The following ACSF2 variants were observed in gnomAD, a reference collection of about 807,000 sequenced individuals.
ACSF2 encodes medium-chain acyl-CoA ligase ACSF2, mitochondrial.
A neutral mutation model predicts 79.3 loss-of-function variants in ACSF2; 52 were observed. That is an observed-to-expected ratio of 0.66 (90% CI 0.53 to 0.83). ACSF2 has a LOEUF of 0.83. Among genes scored for constraint, ACSF2 ranks in the 40% least tolerant of loss-of-function variants. The pLI is 0.00. For synonymous variants in ACSF2, 283 were observed against 312.6 expected, an observed-to-expected ratio of 0.91 and a Z score of 1.00; for missense variants, 661 against 803.3, an observed-to-expected ratio of 0.82 and a Z score of 2.14.
chr17:50,461,251 G>T lies in ACSF2; in HGVS notation c.334G>T (p.Ala112Ser), dbSNP rs373748082. 79 of 1,614,088 alleles carry T rather than the reference G, an allele frequency of 4.9e-5. No individual in the cohort carries two copies. The highest frequency in any genetic ancestry group is 6.4e-5 in the Non-Finnish European group (76 of 1,180,026). ...FAQLKEEVDK[A>S]ASGLLSIGLC... is the part of the protein sequence containing the mutation. ...CCATCTTTTACACTAGGTGGACAAA[G>T]CTGCTTCTGGCCTCCTGAGCATTGG... The change falls in exon 3 of 16, where the codon GCT becomes TCT. Residue 112 changes from alanine (A) to serine (S), a missense_variant. Transcript: ENST00000300441.
At chr17:50,439,110 C>G (rs1284548303) in intron 1 of ACSF2, among the ~76,000 whole-genome samples, 1 of 151,632 alleles carries the variant, frequency 6.6e-6, no homozygotes, top group Non-Finnish European at 1.5e-5. Flanking sequence ...TGCTGTCTCC[C>G]AGGCTGCTGG....
chr17:50,433,780 T>C (rs1348270156), intron 1 of ACSF2, among the ~76,000 whole-genome samples: 3 of 151,894 alleles, frequency 2.0e-5, no homozygotes, highest in Admixed American at 6.6e-5. Flanking sequence ...CACCATGCCT[T>C]GCTAAATTTT....
rs201660426 is a variant in ACSF2 at position 50,463,926 on chromosome 17, G to A, written c.1138+17G>A. 2.2e-4 allele frequency: 353 copies of A among 1,612,784 alleles called. No homozygotes were observed. The East Asian group carries it at 3.5e-3, about 16-fold the overall frequency. ...TGTGTGGAGGTGGGGTGGGGCCAAG[G>A]GCAGCCAGGCTTGGGGAGGGGGCTG... On this transcript the variant is annotated intron_variant, in intron 9 of 15. Coordinates refer to ENST00000300441, the MANE Select transcript of ACSF2 (RefSeq NM_025149.6). The surrounding 1 kb of genome is among the most constrained non-coding windows in gnomAD (Gnocchi z 4.6).
chr17:50,435,767 A>G (rs928229451), intron 1 of ACSF2, among the ~76,000 whole-genome samples: 1 of 151,818 alleles, frequency 6.6e-6, no homozygotes, highest in Non-Finnish European at 1.5e-5. Context: ...TATTAAGTCT[A>G]GTTTATAAAG....
rs375811286 is a variant in ACSF2, at chr17:50,474,161, G to C, written c.1729-38G>C. On this transcript the variant is annotated intron_variant, in intron 14 of 15. Transcript: ENST00000300441. This position sits in a 1 kb window ranked among gnomAD's most constrained non-coding sequence, Gnocchi z 4.2. ...CCTACCCATACCCCTGTGAGCTTGC[G>C]CAGCCTCACGCCTTACCTCCCTCCC... The C allele has an allele frequency of 6.8e-6, 11 of 1,612,642 alleles. No homozygotes were observed. Among genetic ancestry groups the C allele is most frequent in the Non-Finnish European group, 8.5e-6 (10 of 1,178,764 alleles).
Position 50,465,233 on chromosome 17 carries a change from C to G in ACSF2, c.1215+939C>G, listed in dbSNP as rs552981872. The G allele has an allele frequency of 1.1e-4, 180 of 1,600,650 alleles. 1 individual carries two copies. The East Asian group carries it at 4.0e-3, about 36-fold the overall frequency. On this transcript the variant is annotated intron_variant, in intron 10 of 15. Coordinates refer to ENST00000300441, the MANE Select transcript of ACSF2 (RefSeq NM_025149.6). ...GGGCCAGGGGGTATCCTGGAAGATA[C>G]CAGCTCACTTGCTGGAATCACCAAA...
intron 1 of ACSF2, among the ~76,000 whole-genome samples, chr17:50,441,895 C>T (rs554360252): frequency 6.6e-6 from 1 of 152,176 alleles, no homozygotes; most frequent in South Asian, 2.1e-4. Context: ...GGCTGGAGTG[C>T]ATGGCACAAT....
Position 50,468,552 on chromosome 17 carries a change from G to C in ACSF2, c.1216-2476G>C, listed in dbSNP as rs1170674120. On this transcript the variant is annotated intron_variant, in intron 10 of 15. Transcript: ENST00000300441. The stretch of plus-strand genomic sequence containing the variant: ...CGGAAGGCACCGGCGGCCACCTCGC[G>C]GATCTGGCAGTGCTGCAGGTGCAAT... 6 of 1,614,120 alleles carry C rather than the reference G, an allele frequency of 3.7e-6. No individual in the cohort carries two copies. In the East Asian group the frequency reaches 6.7e-5, roughly 18 times the overall value.
At chr17:50,465,195 G>A in intron 10 of ACSF2, 4 of 1,427,624 alleles carry the variant, frequency 2.8e-6, no homozygotes, top group Non-Finnish European at 2.9e-6. Flanking sequence ...TGGAGGGTCT[G>A]CCTGACCCTC....
Position 50,468,188 on chromosome 17 carries a change from CT to C in ACSF2, c.1216-2839del. On this transcript the variant is annotated intron_variant, in intron 10 of 15. Transcript: ENST00000300441. ...CTTGCTCAGGGCAGCTGAGGGGTAGCTGGACAGCTGGTTCCTGTCCACGTGG... is the reference window on the plus strand; with the variant it reads ...CTTGCTCAGGGCAGCTGAGGGGTAGCGGACAGCTGGTTCCTGTCCACGTGG... 3 of 1,614,076 alleles carry C rather than the reference CT, an allele frequency of 1.9e-6. No individual in the cohort carries two copies. In the East Asian group the frequency reaches 6.7e-5, roughly 36 times the overall value.
rs2032680120 is a variant in ACSF2 at position 50,465,930 on chromosome 17, C to T, written c.1215+1636C>T. ...GTGGTCATGAGTGAATGAGTAAGCA[C>T]CCGAGTGCCAGAGGGGCAGGATCCT... On this transcript the variant is annotated intron_variant, in intron 10 of 15. Coordinates refer to ENST00000300441, the MANE Select transcript of ACSF2 (RefSeq NM_025149.6). 4.4e-6 allele frequency: 7 copies of T among 1,593,600 alleles called. No individual in the cohort carries two copies. The East Asian group carries it at 1.6e-4, about 36-fold the overall frequency.
chr17:50,444,636 A>AACACACACACAC (rs72392656), intron 1 of ACSF2, among the ~76,000 whole-genome samples: 31 of 148,076 alleles, frequency 2.1e-4, no homozygotes, highest in African/African-American at 7.2e-4. Context: ...TCTCTCTGCA[A>AACACACACACAC]ACACACACAC....
chr17:50,446,543 G>A (rs2031313048), intron 1 of ACSF2, among the ~76,000 whole-genome samples: 1 of 152,098 alleles, frequency 6.6e-6, no homozygotes, highest in African/African-American at 2.4e-5. Flanking sequence ...AGCCAGAAAA[G>A]TACACATATT....
At chr17:50,465,873 GGGGAGCAAGGT>G (rs769762943) in intron 10 of ACSF2, 183 of 1,613,670 alleles carry the variant, frequency 1.1e-4, no homozygotes, top group Middle Eastern at 5.0e-4. Flanking sequence ...TCTGAGAACT[GGGGAGCAAGGT>G]GGGAGCAAGG....
chr17:50,446,367 C>T (rs2031301821), intron 1 of ACSF2, among the ~76,000 whole-genome samples: 1 of 152,096 alleles, frequency 6.6e-6, no homozygotes, highest in South Asian at 2.1e-4. Context: ...AAGCGATTCT[C>T]CTGCCTCAGC....
intron 1 of ACSF2, among the ~76,000 whole-genome samples, chr17:50,449,339 G>T (rs1356900630): frequency 6.9e-6 from 1 of 144,946 alleles, no homozygotes; most frequent in Admixed American, 6.9e-5. Context: ...TTTTGTTACT[G>T]GCTTCTTTCA....
In ACSF2 at chr17:50,460,887, G is replaced by T. The variant is rs780369980; in HGVS notation, c.324+15G>T. 1.9e-6 allele frequency: 3 copies of T among 1,601,026 alleles called. No individual in the cohort carries two copies. In the South Asian group the frequency reaches 3.4e-5, roughly 18 times the overall value. ...TCAAGGAGGAGGTGGGTCCTGACCT[G>T]GAAACCTCAAAGTGGGCAAGTACTA... On this transcript the variant is annotated intron_variant, in intron 2 of 15. Transcript: ENST00000300441.
chr17:50,460,993 C>G, intron 2 of ACSF2, 121 bp downstream of exon 2: 1 of 1,259,902 alleles, frequency 7.9e-7, no homozygotes, highest in Non-Finnish European at 1.1e-6. Context: ...TGCCAGAGAA[C>G]CCCGAGGGAT....
At chr17:50,464,454 C>T in intron 10 of ACSF2, 160 bp downstream of exon 10, 1 of 745,322 alleles carries the variant, frequency 1.3e-6, no homozygotes, top group Non-Finnish European at 2.4e-6. Context: ...CTGACCTCAT[C>T]AGCACCTGGT....
Sources: allele counts gnomAD v4.1 joint callset (sites outside exome capture counted in the v4.1 genomes callset), GRCh38; gene constraint gnomAD v4.1.1; non-coding constraint Gnocchi (gnomAD v3.1); transcripts MANE v1.5; gene names NCBI Gene and HGNC (gene_info 2026-07-23, HGNC 2026-07-21).